Variants in EPHB1 observed in about 807,000 individuals in gnomAD.
EPHB1 encodes EPH receptor B1.
Under a neutral mutation model 94.4 loss-of-function variants are expected in EPHB1, and 30 were observed. That is an observed-to-expected ratio of 0.32 (90% CI 0.24 to 0.43). The LOEUF is 0.43. EPHB1 is among the 20% of genes least tolerant of loss of function. EPHB1 has a pLI of 1.00. For missense variants in EPHB1, 1,055 were observed against 1,308.3 expected (o/e 0.81, Z 2.99); for synonymous variants, 522 against 489.1 (o/e 1.07, Z -0.89).
chr3:135,151,313 C>A (rs963206725), intron 5 of EPHB1, among the ~76,000 whole-genome samples: 1 of 152,092 alleles, frequency 6.6e-6, no homozygotes, highest in Non-Finnish European at 1.5e-5. Flanking sequence ...CCTGTGGACT[C>A]CTCTCTTCTG....
At chr3:135,052,969 A>G (rs1191122819) in intron 3 of EPHB1, among the ~76,000 whole-genome samples, 6 of 113,752 alleles carry the variant, frequency 5.3e-5, no homozygotes, top group African/African-American at 1.5e-4. Context: ...GTGTATATAT[A>G]TGTGTATATA....
intron 1 of EPHB1, among the ~76,000 whole-genome samples, chr3:134,916,848 A>G (rs1682610784): frequency 6.6e-6 from 1 of 152,228 alleles, no homozygotes; most frequent in South Asian, 2.1e-4. Flanking sequence ...AAGCGCGGCC[A>G]GAATGGGTGC....
At chr3:134,795,931 C>A (rs2035816004) in intron 1 of EPHB1, among the ~76,000 whole-genome samples, 1 of 152,236 alleles carries the variant, frequency 6.6e-6, no homozygotes, top group African/African-American at 2.4e-5. Context: ...CTTCCTCGCC[C>A]CGGCACTCCC....
intron 3 of EPHB1, among the ~76,000 whole-genome samples, chr3:135,049,282 G>A (rs760419348): frequency 4.6e-5 from 7 of 152,202 alleles, no homozygotes; most frequent in Non-Finnish European, 8.8e-5. Flanking sequence ...TAAAAACAAC[G>A]TTAATCATGT....
chr3:135,018,451 C>G (rs1324863393), intron 3 of EPHB1, among the ~76,000 whole-genome samples: 1 of 152,054 alleles, frequency 6.6e-6, no homozygotes, highest in African/African-American at 2.4e-5. Flanking sequence ...TCCCTTTCTT[C>G]GAAGACCAGC....
chr3:134,856,518 T>C (rs186752744), intron 1 of EPHB1, among the ~76,000 whole-genome samples: 1 of 152,348 alleles, frequency 6.6e-6, no homozygotes, highest in African/African-American at 2.4e-5. Context: ...CTTTACTGTA[T>C]ATTTCTGCCT....
intron 3 of EPHB1, among the ~76,000 whole-genome samples, chr3:135,032,334 T>G (rs1217587915): frequency 1.3e-5 from 2 of 151,666 alleles, no homozygotes; most frequent in African/African-American, 4.8e-5. Flanking sequence ...ACTATTTTAT[T>G]GATTTGTTTT....
At chr3:134,864,281 G>A (rs111809932) in intron 1 of EPHB1, among the ~76,000 whole-genome samples, 1 of 152,244 alleles carries the variant, frequency 6.6e-6, no homozygotes, top group Middle Eastern at 3.4e-3. Context: ...TCAGGAGAAG[G>A]TTCCCAAAGG....
chr3:134,802,946 A>G (rs1045746288), intron 1 of EPHB1, among the ~76,000 whole-genome samples: 1 of 152,128 alleles, frequency 6.6e-6, no homozygotes, highest in African/African-American at 2.4e-5. Context: ...AGGTTTCAAG[A>G]TGATCTGCTT....
intron 3 of EPHB1, among the ~76,000 whole-genome samples, chr3:134,986,962 T>C (rs932690397): frequency 8.5e-5 from 13 of 152,320 alleles, no homozygotes; most frequent in African/African-American, 2.6e-4. Context: ...TTCTCACCTC[T>C]GTCAGATCTG....
intron 1 of EPHB1, among the ~76,000 whole-genome samples, chr3:134,851,511 G>A (rs1281562963): frequency 4.6e-5 from 7 of 151,836 alleles, no homozygotes; most frequent in African/African-American, 7.3e-5. Flanking sequence ...GTAGCCACCC[G>A]TATGCACTTT....
At chr3:135,092,323 T>C (rs911536040) in intron 3 of EPHB1, among the ~76,000 whole-genome samples, 1 of 152,134 alleles carries the variant, frequency 6.6e-6, no homozygotes, top group African/African-American at 2.4e-5. Context: ...CTCCCTTCTG[T>C]TGGGTGCCAG....
At position 134,951,283 on chromosome 3, in the gene EPHB1, A is replaced by C; in HGVS notation, c.124-88A>C. ...TGAGCTCTTAAGGCCCCTTAGCCCC[A>C]GGATTCTCCTCTGCTATGCCTATTT... is the stretch of plus-strand genomic sequence containing the variant. On this transcript the variant is annotated intron_variant, in intron 2 of 15. Coordinates refer to ENST00000398015, the MANE Select transcript of EPHB1 (RefSeq NM_004441.5). The surrounding 1 kb of genome is among the most constrained non-coding windows in gnomAD (Gnocchi z 4.5). 1 of 1,270,804 alleles carries C rather than the reference A, an allele frequency of 7.9e-7. No homozygotes were observed. Among genetic ancestry groups the C allele is most frequent in the Non-Finnish European group, 1.1e-6 (1 of 941,892 alleles). 78.7% of individuals were successfully genotyped at this position (1,270,804 alleles called of 1,614,324 possible).
chr3:135,004,427 C>A (rs1239006004), intron 3 of EPHB1, among the ~76,000 whole-genome samples: 2 of 152,086 alleles, frequency 1.3e-5, no homozygotes, highest in African/African-American at 2.4e-5. Flanking sequence ...GAATCTGACA[C>A]TTATGTGTCT....
At chr3:134,917,803 C>T (rs1260023279) in intron 1 of EPHB1, among the ~76,000 whole-genome samples, 1 of 152,218 alleles carries the variant, frequency 6.6e-6, no homozygotes, top group African/African-American at 2.4e-5. Context: ...GAGACTTACA[C>T]AATAAGAGCT....
At chr3:134,904,398 G>A (rs993087124) in intron 1 of EPHB1, among the ~76,000 whole-genome samples, 44 of 152,202 alleles carry the variant, frequency 2.9e-4, no homozygotes, top group African/African-American at 1.0e-3. Flanking sequence ...GAGGCAGCGT[G>A]TGAAAGCAGG....
intron 1 of EPHB1, chr3:134,841,327 G>A (rs1458934286): frequency 3.3e-5 from 5 of 152,214 alleles, no homozygotes; most frequent in Admixed American, 1.3e-4. Context: ...CCCATACCAG[G>A]GCCCTTGTTC....
chr3:134,837,882 A>G (rs1230339437), intron 1 of EPHB1, among the ~76,000 whole-genome samples: 1 of 152,226 alleles, frequency 6.6e-6, no homozygotes, highest in African/African-American at 2.4e-5. Flanking sequence ...TGCACTCTAG[A>G]TAAGCAGTCA....
chr3:134,978,280 C>A (rs920981943), intron 3 of EPHB1, among the ~76,000 whole-genome samples: 1 of 152,192 alleles, frequency 6.6e-6, no homozygotes, highest in African/African-American at 2.4e-5. Flanking sequence ...CCTGCCCTGG[C>A]CCCTCAGTGC....
Sources: gnomAD v4.1 joint callset for allele counts (sites outside exome capture counted in the v4.1 genomes callset) on GRCh38, gnomAD v4.1.1 for gene constraint, Gnocchi (gnomAD v3.1) non-coding constraint, MANE v1.5 for transcripts, NCBI Gene and HGNC (gene_info 2026-07-23, HGNC 2026-07-21) for gene names.